The following NDUFA9 variants were observed in gnomAD, a reference collection of about 807,000 sequenced individuals.
NDUFA9 encodes NADH dehydrogenase [ubiquinone] 1 alpha subcomplex subunit 9, mitochondrial.
Under a neutral mutation model 45.9 loss-of-function variants are expected in NDUFA9, and 23 were observed. The observed-to-expected ratio is 0.50, with a 90% CI of 0.36 to 0.71. The LOEUF (loss-of-function observed/expected upper bound fraction) is 0.71, where lower values mean the gene tolerates loss of function less well. Ranked by LOEUF, NDUFA9 falls within the 30% of genes least tolerant of loss-of-function variation. The pLI, the probability that NDUFA9 is intolerant of heterozygous loss-of-function variation, is 0.00. For missense variants in NDUFA9, 466 were observed against 488.2 expected, an observed-to-expected ratio of 0.95 and a Z score of 0.43; for synonymous variants, 176 against 170.5, an observed-to-expected ratio of 1.03 and a Z score of -0.25.
intron 8 of NDUFA9, among the ~76,000 whole-genome samples, chr12:4,679,656 G>T (rs185304679): frequency 6.6e-6 from 1 of 152,302 alleles, no homozygotes; most frequent in East Asian, 1.9e-4. Context: ...GCAAAGGGCA[G>T]ATTGGATTGC....
chr12:4,651,752 T>C (rs1258438667), intron 1 of NDUFA9, among the ~76,000 whole-genome samples: 1 of 152,160 alleles, frequency 6.6e-6, no homozygotes, highest in African/African-American at 2.4e-5. Context: ...ATTTCCTTAC[T>C]CTTCACTCTT....
intron 1 of NDUFA9, among the ~76,000 whole-genome samples, chr12:4,653,939 G>A (rs1945774186): frequency 6.6e-6 from 1 of 151,418 alleles, no homozygotes; most frequent in Non-Finnish European, 1.5e-5. Flanking sequence ...ATTTTATCCA[G>A]GAATACTTCC....
intron 10 of NDUFA9, 138 bp downstream of exon 10, chr12:4,685,463 T>G (rs1172932925): frequency 1.4e-6 from 1 of 735,060 alleles, no homozygotes; most frequent in Non-Finnish European, 2.3e-6. Flanking sequence ...CTACTAGCGC[T>G]GAAGCTCATC....
chr12:4,665,544 T>G (rs1221224801), intron 6 of NDUFA9, among the ~76,000 whole-genome samples: 1 of 152,206 alleles, frequency 6.6e-6, no homozygotes, highest in Non-Finnish European at 1.5e-5. Flanking sequence ...GCAATGACCA[T>G]GGATGTACGA....
intron 8 of NDUFA9, among the ~76,000 whole-genome samples, chr12:4,675,668 A>G (rs1396246130): frequency 6.6e-6 from 1 of 152,350 alleles, no homozygotes; most frequent in African/African-American, 2.4e-5. Context: ...GCAGCAATTA[A>G]TAGCTTATCA....
chr12:4,684,675 A>G (rs1945973728), intron 9 of NDUFA9, among the ~76,000 whole-genome samples: 1 of 152,198 alleles, frequency 6.6e-6, no homozygotes, highest in African/African-American at 2.4e-5. Context: ...CTCAAGTGGC[A>G]CGTAAGGAGC....
At chr12:4,675,149 T>G (rs928224653) in intron 8 of NDUFA9, among the ~76,000 whole-genome samples, 1 of 152,320 alleles carries the variant, frequency 6.6e-6, no homozygotes, top group African/African-American at 2.4e-5. Context: ...CCAGAATCTC[T>G]GGAGCACATT....
rs754203867 is a variant in NDUFA9 at position 4,685,119 on chromosome 12, G to A, written c.897-140G>A. ...AAAAGCAGAGGTAGCCTCACAGGTC[G>A]AGGTGGTTATTTTCTTAAAAAAAAA... On this transcript the variant is annotated intron_variant, in intron 9 of 10. Transcript: ENST00000266544. 1.3e-5 allele frequency: 10 copies of A among 756,576 alleles called. No individual in the cohort carries two copies. The Admixed American group carries it at 1.6e-4, about 12-fold the overall frequency. The allele number at this position is 756,576 out of a possible 1,614,324, so 46.9% of individuals were successfully genotyped here.
At chr12:4,686,119 C>T (rs536082725) in intron 10 of NDUFA9, among the ~76,000 whole-genome samples, 62 of 152,308 alleles carry the variant, frequency 4.1e-4, no homozygotes, top group Admixed American at 2.2e-3. Context: ...ACTAAAGTGT[C>T]TCTTACGTTT....
chr12:4,655,646 G>A (rs1272552747), intron 3 of NDUFA9: 1 of 152,042 alleles, frequency 6.6e-6, no homozygotes, highest in Non-Finnish European at 1.5e-5. Flanking sequence ...ATCACAAATA[G>A]GGTGTTTTAT....
rs1330421113 is a variant in NDUFA9 at position 4,689,042 on chromosome 12, C to T, written c.*1934C>T. 6.6e-6 allele frequency: 1 copy of T among 152,020 alleles called. No individual in the cohort carries two copies. The highest frequency in any genetic ancestry group is 1.5e-5 in the Non-Finnish European group (1 of 68,010). 9.4% of individuals were successfully genotyped at this position (152,020 alleles called of 1,614,324 possible). On this transcript the variant is annotated 3_prime_UTR_variant, in exon 11 of 11. Transcript: ENST00000266544. ...GGTATATGTGGTAATTTGATATATT[C>T]ATATAATCAATCAGTGTAATTGGGA...
chr12:4,682,465 T>TA (rs1437457179), intron 9 of NDUFA9, among the ~76,000 whole-genome samples, 165 bp downstream of exon 9: 2 of 151,400 alleles, frequency 1.3e-5, no homozygotes, highest in African/African-American at 4.9e-5. Context: ...TAGTGTTGGT[T>TA]AAAAAAAAAT....
rs1455576319 is a variant in NDUFA9, at chr12:4,688,130, A to C, written c.*1022A>C. On this transcript the variant is annotated 3_prime_UTR_variant, in exon 11 of 11. Transcript: ENST00000266544. ...ATCCCAAAACGGTCAACAGTGAGCT[A>C]CTCCAAGTGTGGTCCATAGATCACC... The C allele has an allele frequency of 6.6e-6, 1 of 152,174 alleles. No individual in the cohort carries two copies. The highest frequency in any genetic ancestry group is 6.6e-5 in the Admixed American group (1 of 15,254). The allele number at this position is 152,174 out of a possible 1,614,324, so 9.4% of individuals were successfully genotyped here.
In NDUFA9 at chr12:4,654,424, C is replaced by T. The variant is rs863224087; in HGVS notation, c.182C>T (p.Ala61Val). ...GGGATTGTGGCCACTGTGTTTGGAG[C>T]AACAGGATTCCTGGGGCGATATGTT... is the stretch of plus-strand genomic sequence containing the variant. ...VSGIVATVFG[A>V]TGFLGRYVVN... Residue 61 changes from alanine (A) to valine (V), a missense_variant, in exon 2 of 11, where the codon GCA becomes GTA. Physicochemically the swap from Ala to Val is moderately conservative, Grantham distance 64. Coordinates refer to ENST00000266544, the MANE Select transcript of NDUFA9 (RefSeq NM_005002.5). 3.7e-6 allele frequency: 6 copies of T among 1,614,058 alleles called. No homozygotes were observed. Among genetic ancestry groups the T allele is most frequent in the Admixed American group, 1.7e-5 (1 of 60,010 alleles).
Position 4,685,345 on chromosome 12 carries a change from G to A in NDUFA9, c.963+20G>A, listed in dbSNP as rs1945979213. 1 of 1,603,042 alleles carries A rather than the reference G, an allele frequency of 6.2e-7. No homozygotes were observed. Among genetic ancestry groups the A allele is most frequent in the South Asian group, 1.1e-5 (1 of 90,874 alleles). On this transcript the variant is annotated intron_variant, in intron 10 of 10. Coordinates refer to ENST00000266544, the MANE Select transcript of NDUFA9 (RefSeq NM_005002.5). ...GAGCGGGTGAGTACATGTGTGGAAAGCGTCTGCCTGGGCAGATGATGAGGC... is the reference window on the plus strand; with the variant it reads ...GAGCGGGTGAGTACATGTGTGGAAAACGTCTGCCTGGGCAGATGATGAGGC...
intron 1 of NDUFA9, among the ~76,000 whole-genome samples, chr12:4,651,866 C>T (rs771846176): frequency 6.6e-6 from 1 of 152,192 alleles, no homozygotes; most frequent in South Asian, 2.1e-4. Context: ...TGCTGCCTGC[C>T]ACTGAGCAAT....
chr12:4,649,289 T>C, intron 1 of NDUFA9, 114 bp downstream of exon 1: 1 of 1,248,026 alleles, frequency 8.0e-7, no homozygotes, highest in South Asian at 1.3e-5. Flanking sequence ...CACACTCTGG[T>C]TTCTCTAGGT....
At chr12:4,685,124 G>A (rs1346116524) in intron 9 of NDUFA9, 135 bp from the exon 10 acceptor site, 2 of 777,726 alleles carry the variant, frequency 2.6e-6, no homozygotes, top group Non-Finnish European at 4.5e-6. Flanking sequence ...AGGTCGAGGT[G>A]GTTATTTTCT....
intron 3 of NDUFA9, 28 bp from the exon 4 acceptor site, chr12:4,657,720 T>C (rs1287542925): frequency 1.3e-6 from 2 of 1,557,818 alleles, no homozygotes; most frequent in Non-Finnish European, 1.8e-6. Context: ...CCCCTATGTT[T>C]TCATCCGATT....
Sources: allele counts gnomAD v4.1 joint callset (sites outside exome capture counted in the v4.1 genomes callset), GRCh38; gene constraint gnomAD v4.1.1; transcripts MANE v1.5; gene names NCBI Gene and HGNC (gene_info 2026-07-23, HGNC 2026-07-21).